ZNF254: variants seen among roughly 807,000 people sequenced by gnomAD.
ZNF254 encodes zinc finger protein 254.
A neutral mutation model predicts 12.4 loss-of-function variants in ZNF254; 10 were observed. That is an observed-to-expected ratio of 0.80 (90% CI 0.50 to 1.36). The LOEUF (loss-of-function observed/expected upper bound fraction) is 1.36, where lower values mean the gene tolerates loss of function less well. Among genes scored for constraint, ZNF254 ranks in the 40% most tolerant of loss-of-function variants. The pLI is 0.00. For missense variants in ZNF254, 996 were observed against 763.9 expected (o/e 1.30, Z -3.58); for synonymous variants, 305 against 253.4 (o/e 1.20, Z -1.93).
intron 2 of ZNF254, chr19:24,079,879 G>C (rs1971788631): frequency 6.6e-6 from 1 of 152,150 alleles, no homozygotes; most frequent in African/African-American, 2.4e-5. Flanking sequence ...ATGAAGAAAT[G>C]TATGAAAAAA....
chr19:24,096,729 G>A (rs1457105360), intron 1 of ZNF254, among the ~76,000 whole-genome samples: 1 of 152,276 alleles, frequency 6.6e-6, no homozygotes, highest in Non-Finnish European at 1.5e-5. Flanking sequence ...GGCTTCTTCA[G>A]TTATCTGTTT....
At chr19:24,114,203 A>G (rs1299428394) in intron 3 of ZNF254, among the ~76,000 whole-genome samples, 1 of 152,224 alleles carries the variant, frequency 6.6e-6, no homozygotes, top group East Asian at 1.9e-4. Flanking sequence ...GAACCAAAAA[A>G]GAGCCCGCAT....
At chr19:24,098,351 T>C (rs1972792476) in intron 1 of ZNF254, 1 of 152,238 alleles carries the variant, frequency 6.6e-6, no homozygotes, top group Admixed American at 6.5e-5. Context: ...AAAACTGTAA[T>C]ACCTCTCTAG....
chr19:24,074,473 T>C (rs938794137), intron 2 of ZNF254, among the ~76,000 whole-genome samples: 6 of 152,188 alleles, frequency 3.9e-5, no homozygotes, highest in African/African-American at 1.4e-4. Context: ...ATAGGAGAGA[T>C]TGTGACATAT....
intron 3 of ZNF254, among the ~76,000 whole-genome samples, chr19:24,115,708 A>G (rs1974012145): frequency 6.6e-6 from 1 of 152,054 alleles, no homozygotes. Flanking sequence ...TAAAGTTAAT[A>G]TTGTTATGTG....
chr19:24,111,638 C>T lies in ZNF254; in HGVS notation c.253+4995C>T, dbSNP rs943945181. 5.3e-3 allele frequency among the ~76,000 whole-genome samples: 807 copies of T among 152,236 alleles called. 3 individuals carry two copies. Among genetic ancestry groups the T allele is most frequent in the African/African-American group, 0.017 (725 of 41,530 alleles). The stretch of plus-strand genomic sequence containing the variant: ...TGTTGTTTCCTGACTTTTTAATGAT[C>T]GCCATTCTAACTGGTGTGAAATGGT... On this transcript the variant is annotated intron_variant, in intron 3 of 3. Transcript: ENST00000357002.
At chr19:24,049,214 A>ATATATATT (rs1160333151) in intron 2 of ZNF254, among the ~76,000 whole-genome samples, 159 of 40,770 alleles carry the variant, frequency 3.9e-3, no homozygotes, top group Admixed American at 5.7e-3. Flanking sequence ...ATATATATAT[A>ATATATATT]TTTTTTTTTT....
chr19:24,105,430 C>G (rs1444116099), intron 1 of ZNF254: 1 of 263,728 alleles, frequency 3.8e-6, no homozygotes, highest in Non-Finnish European at 7.2e-6. Flanking sequence ...CTTTTGGGGC[C>G]AAAACATTGG....
intron 1 of ZNF254, among the ~76,000 whole-genome samples, chr19:24,041,342 C>T (rs1269986821): frequency 2.6e-5 from 4 of 152,224 alleles, no homozygotes; most frequent in Non-Finnish European, 5.9e-5. Context: ...ACCGGGGCTG[C>T]GTGCGGCGCT....
rs370666299 is a variant in ZNF254 at position 24,114,232 on chromosome 19, C to A, written c.253+7589C>A. ...CCCGCATCGCCAAGTCACTCCTAAG[C>A]CAAAAGAACAAAGCTGGAGGCATCA... On this transcript the variant is annotated intron_variant, in intron 3 of 3. Coordinates refer to ENST00000357002, the MANE Select transcript of ZNF254 (RefSeq NM_203282.4). Among the ~76,000 whole-genome samples, 36 of 152,098 alleles carry A rather than the reference C, an allele frequency of 2.4e-4. No individual in the cohort carries two copies. The South Asian group carries it at 5.2e-3, about 22-fold the overall frequency.
intron 2 of ZNF254, among the ~76,000 whole-genome samples, chr19:24,057,692 T>C (rs1252982847): frequency 1.3e-5 from 2 of 152,224 alleles, no homozygotes; most frequent in African/African-American, 4.8e-5. Context: ...CTCTTATAAG[T>C]GAATCCAGTC....
At chr19:24,042,176 C>T (rs1444880377) in intron 1 of ZNF254, among the ~76,000 whole-genome samples, 6 of 152,052 alleles carry the variant, frequency 3.9e-5, no homozygotes, top group Admixed American at 3.9e-4. Context: ...CTGTATCTAG[C>T]TGCTCTGGTG....
intron 1 of ZNF254, among the ~76,000 whole-genome samples, chr19:24,039,166 A>C (rs1970069407): frequency 6.7e-6 from 1 of 148,406 alleles, no homozygotes; most frequent in South Asian, 2.2e-4. Flanking sequence ...GGTACCTAGA[A>C]TCCACACATA....
At chr19:24,049,081 A>ACTACCTACCTAC (rs753369370) in intron 2 of ZNF254, 1 of 144,304 alleles carries the variant, frequency 6.9e-6, no homozygotes, top group Non-Finnish European at 1.5e-5. Context: ...TACCTACCTA[A>ACTACCTACCTAC]CTACCTACCT....
chr19:24,042,782 C>T (rs941774522), intron 1 of ZNF254, among the ~76,000 whole-genome samples: 3 of 152,174 alleles, frequency 2.0e-5, no homozygotes, highest in Non-Finnish European at 4.4e-5. Context: ...ACTAATATCA[C>T]GGCAGTAATT....
intron 2 of ZNF254, among the ~76,000 whole-genome samples, chr19:24,071,233 C>G (rs1971469237): frequency 6.6e-6 from 1 of 152,098 alleles, no homozygotes; most frequent in Admixed American, 6.5e-5. Context: ...TGATGTTACT[C>G]TTTGCTCCTT....
At chr19:24,094,495 G>A (rs917794600) in intron 1 of ZNF254, among the ~76,000 whole-genome samples, 3 of 152,018 alleles carry the variant, frequency 2.0e-5, no homozygotes, top group Non-Finnish European at 2.9e-5. Flanking sequence ...TTCTGATCTC[G>A]TGAGCCACCC....
At chr19:24,049,212 A>T (rs1238089082) in intron 2 of ZNF254, among the ~76,000 whole-genome samples, 2,614 of 41,740 alleles carry the variant, frequency 0.063, 139 homozygotes, top group African/African-American at 0.16. Flanking sequence ...ATATATATAT[A>T]TATTTTTTTT....
Position 24,126,224 on chromosome 19 carries a change from G to T in ZNF254, c.254-30G>T, listed in dbSNP as rs761952657. 62 of 1,362,596 alleles carry T rather than the reference G, an allele frequency of 4.6e-5. 1 individual carries two copies. In the Middle Eastern group the frequency reaches 5.8e-4, roughly 13 times the overall value. 84.4% of individuals were successfully genotyped at this position (1,362,596 alleles called of 1,614,324 possible). ...TATTCATGTGAGTCTAGTAAGTGGA[G>T]TAATTTATTTATTTTTATTTTTTTT... On this transcript the variant is annotated intron_variant, in intron 3 of 3. Coordinates refer to ENST00000357002, the MANE Select transcript of ZNF254 (RefSeq NM_203282.4).
Sources: allele counts gnomAD v4.1 joint callset (sites outside exome capture counted in the v4.1 genomes callset), GRCh38; gene constraint gnomAD v4.1.1; transcripts MANE v1.5; gene names NCBI Gene and HGNC (gene_info 2026-07-23, HGNC 2026-07-21).